Variants in ADAM12 observed in about 807,000 individuals in gnomAD.
ADAM12 encodes the protein ADAM metallopeptidase domain 12.
ADAM12 carries 70 observed loss-of-function variants against 106.4 expected under a neutral mutation model. That is an observed-to-expected ratio of 0.66 (90% confidence interval 0.54 to 0.80). The LOEUF (loss-of-function observed/expected upper bound fraction) is 0.80. ADAM12 is among the 30% of genes least tolerant of loss of function. The pLI, the probability that ADAM12 is intolerant of heterozygous loss-of-function variation, is 0.00. For synonymous variants in ADAM12, 420 were observed against 433.5 expected, an observed-to-expected ratio of 0.97 and a Z score of 0.39; for missense variants, 1,010 against 1,171.9, an observed-to-expected ratio of 0.86 and a Z score of 2.02.
chr10:126,028,021 A>G (rs969275283), intron 21 of ADAM12, among the ~76,000 whole-genome samples: 3 of 152,198 alleles, frequency 2.0e-5, no homozygotes, highest in African/African-American at 4.8e-5. Context: ...ATGTGCAAAA[A>G]TTGCTAGCAT....
chr10:126,171,925 T>C (rs1391605530), intron 3 of ADAM12, among the ~76,000 whole-genome samples: 1 of 152,206 alleles, frequency 6.6e-6, no homozygotes, highest in Non-Finnish European at 1.5e-5. Context: ...TCTAGAAACA[T>C]GCTCCAGAAA....
At chr10:126,108,901 A>T (rs1470924373) in intron 7 of ADAM12, among the ~76,000 whole-genome samples, 9 of 152,268 alleles carry the variant, frequency 5.9e-5, no homozygotes, top group Non-Finnish European at 1.5e-5. Flanking sequence ...GCAATTTTCC[A>T]GCCTCATAAA....
Position 126,268,252 on chromosome 10 carries a change from T to A in ADAM12, c.260+10663A>T, listed in dbSNP as rs150843615. Among the ~76,000 whole-genome samples the A allele has an allele frequency of 3.0e-4, 45 of 152,356 alleles. No individual in the cohort carries two copies. The East Asian group carries it at 8.5e-3, about 29-fold the overall frequency. ...TAATATTTGTCCTTTAGTGTCTGAG[T>A]CATTTCACTTAGCATAATGTCTTCA... On this transcript the variant is annotated intron_variant, in intron 3 of 22. Coordinates refer to ENST00000448723, the MANE Select transcript of ADAM12 (RefSeq NM_001288973.2).
chr10:126,295,448 G>A (rs1274701005), intron 2 of ADAM12, among the ~76,000 whole-genome samples: 3 of 151,958 alleles, frequency 2.0e-5, no homozygotes, highest in Non-Finnish European at 4.4e-5. Context: ...ATATATTTCC[G>A]TTGCCCTGCA....
intron 2 of ADAM12, among the ~76,000 whole-genome samples, chr10:126,312,521 T>C (rs1188627961): frequency 1.3e-5 from 2 of 151,966 alleles, no homozygotes; most frequent in African/African-American, 2.4e-5. Context: ...TAATGAGATA[T>C]GGATGCCGTG....
At chr10:126,330,759 G>C (rs1854483573) in intron 1 of ADAM12, among the ~76,000 whole-genome samples, 1 of 152,186 alleles carries the variant, frequency 6.6e-6, no homozygotes, top group Non-Finnish European at 1.5e-5. Context: ...AACATGTGCT[G>C]GGGTATTATC....
chr10:126,025,023 C>G (rs868665320), intron 21 of ADAM12, among the ~76,000 whole-genome samples: 15 of 151,830 alleles, frequency 9.9e-5, no homozygotes, highest in South Asian at 2.1e-4. Context: ...AAACAGAAAA[C>G]AACAATAACC....
In ADAM12 at chr10:126,025,847, C is replaced by T. The variant is rs140069199; in HGVS notation, c.2530-6022G>A. Among the ~76,000 whole-genome samples, 337 of 152,246 alleles carry T rather than the reference C, an allele frequency of 2.2e-3. 1 individual carries two copies. Among genetic ancestry groups the T allele is most frequent in the African/African-American group, 7.8e-3 (326 of 41,544 alleles). The stretch of plus-strand genomic sequence containing the variant: ...CCATGAGAAGATCAACCCCAAGACA[C>T]ATAATCATCAGATTTTCCAAGGTCA... On this transcript the variant is annotated intron_variant, in intron 21 of 22. Transcript: ENST00000448723.
chr10:126,368,356 G>GC (rs1855989277), intron 1 of ADAM12, among the ~76,000 whole-genome samples: 3 of 118,402 alleles, frequency 2.5e-5, no homozygotes, highest in South Asian at 5.6e-4. Context: ...TGTGTGATTT[G>GC]TTTTTTTTTT....
At chr10:126,193,264 C>CA (rs757716875) in intron 3 of ADAM12, among the ~76,000 whole-genome samples, 2,447 of 26,604 alleles carry the variant, frequency 0.092, 653 homozygotes, top group Non-Finnish European at 0.17. Context: ...GACTCCATCT[C>CA]AAAAAAAAAA....
In ADAM12 at chr10:126,046,063, C is replaced by T. The variant is rs373485959; in HGVS notation, c.1987G>A (p.Gly663Ser). 46 of 1,613,950 alleles carry T rather than the reference C, an allele frequency of 2.9e-5. No homozygotes were observed. The highest frequency in any genetic ancestry group is 2.4e-4 in the African/African-American group (18 of 74,906). ...GVHECAMQCH[G>S]RGVCNNRKNC... ...CAGCTCAGCCTACTCACCCCTCTGC[C>T]GTGGCACTGCATTGCACACTCGTGA... The change falls in exon 17 of 23, where the codon GGC becomes AGC. Residue 663 changes from glycine to serine, a missense_variant. Transcript: ENST00000448723.
intron 11 of ADAM12, among the ~76,000 whole-genome samples, chr10:126,089,853 C>G (rs1378646180): frequency 6.6e-6 from 1 of 152,174 alleles, no homozygotes; most frequent in Non-Finnish European, 1.5e-5. Context: ...CTCCCCCAAA[C>G]CCCCACTTAA....
intron 1 of ADAM12, among the ~76,000 whole-genome samples, chr10:126,348,441 GC>G (rs1157463093): frequency 6.6e-6 from 1 of 152,110 alleles, no homozygotes; most frequent in Non-Finnish European, 1.5e-5. Context: ...AAGAGAATGG[GC>G]CCAAGCATGC....
chr10:126,266,555 T>C (rs1959101253), intron 3 of ADAM12, among the ~76,000 whole-genome samples: 1 of 152,180 alleles, frequency 6.6e-6, no homozygotes, highest in African/African-American at 2.4e-5. Flanking sequence ...GGCAGTGCAG[T>C]GTCAAGCACA....
At chr10:126,330,306 G>A (rs1854462631) in intron 2 of ADAM12, 106 bp downstream of exon 2, 1 of 941,618 alleles carries the variant, frequency 1.1e-6, no homozygotes, top group East Asian at 2.5e-5. Flanking sequence ...GATAGAGTTA[G>A]CATTAAAGTG....
chr10:126,214,354 T>G (rs1957950399), intron 3 of ADAM12, among the ~76,000 whole-genome samples: 1 of 152,230 alleles, frequency 6.6e-6, no homozygotes, highest in South Asian at 2.1e-4. Flanking sequence ...GTTTCTACCC[T>G]GTAGGGTTGC....
intron 3 of ADAM12, among the ~76,000 whole-genome samples, chr10:126,237,092 C>G (rs575357160): frequency 1.3e-5 from 2 of 152,174 alleles, no homozygotes; most frequent in Non-Finnish European, 1.5e-5. Flanking sequence ...GATGCGTCTA[C>G]GTTAATTAAC....
rs142136650 is a variant in ADAM12, at chr10:126,356,904, A to T, written c.89-26395T>A. 1.3e-3 allele frequency among the ~76,000 whole-genome samples: 203 copies of T among 152,356 alleles called. 2 individuals carry two copies. The highest frequency in any genetic ancestry group is 4.6e-3 in the African/African-American group (190 of 41,594). On this transcript the variant is annotated intron_variant, in intron 1 of 22. Coordinates refer to ENST00000448723, the MANE Select transcript of ADAM12 (RefSeq NM_001288973.2). ...AGATGCAAAAGAATTGAAGCAGATA[A>T]TTTAAAATTATCCAATCAGAGGAAC...
In ADAM12 at chr10:126,112,514, T is replaced by C. The variant is rs115078995; in HGVS notation, c.604-2674A>G. On this transcript the variant is annotated intron_variant, in intron 6 of 22. Transcript: ENST00000448723. ...CCGTTCCCAGGTGGAGGCAGAGGCC[T>C]TCTTTGAATCTTGCTCAAGAAAGAA... 9.8e-3 allele frequency among the ~76,000 whole-genome samples: 1,494 copies of C among 152,250 alleles called. 16 individuals carry two copies. The highest frequency in any genetic ancestry group is 0.035 in the African/African-American group (1,436 of 41,546).
Sources: allele counts gnomAD v4.1 joint callset (sites outside exome capture counted in the v4.1 genomes callset), GRCh38; gene constraint gnomAD v4.1.1; transcripts MANE v1.5; gene names NCBI Gene and HGNC (gene_info 2026-07-23, HGNC 2026-07-21).